Variants in DENND1B observed in about 807,000 individuals in gnomAD.
DENND1B encodes the protein DENN domain-containing protein 1B.
Under a neutral mutation model 90.1 loss-of-function variants are expected in DENND1B, and 59 were observed. That is an observed-to-expected ratio of 0.65 (90% CI 0.53 to 0.81). The LOEUF is 0.81. Among genes scored for constraint, DENND1B ranks in the 40% least tolerant of loss-of-function variants. The pLI is 0.00. For missense variants in DENND1B, 862 were observed against 912.6 expected, an observed-to-expected ratio of 0.94 and a Z score of 0.71; for synonymous variants, 337 against 324.6, an observed-to-expected ratio of 1.04 and a Z score of -0.41.
intron 14 of DENND1B, among the ~76,000 whole-genome samples, chr1:197,592,697 G>A (rs1387903246): frequency 6.6e-6 from 1 of 152,020 alleles, no homozygotes; most frequent in East Asian, 1.9e-4. Flanking sequence ...TCAAAGTTTA[G>A]GAAAAAAGGA....
intron 2 of DENND1B, among the ~76,000 whole-genome samples, chr1:197,765,435 T>C (rs1005578930): frequency 2.6e-5 from 4 of 152,230 alleles, no homozygotes; most frequent in African/African-American, 9.6e-5. Flanking sequence ...GCTAGTATTA[T>C]ATGAACACTT....
At chr1:197,749,073 G>C (rs1013416328) in intron 2 of DENND1B, among the ~76,000 whole-genome samples, 1 of 151,936 alleles carries the variant, frequency 6.6e-6, no homozygotes, top group African/African-American at 2.4e-5. Flanking sequence ...CCTAAGTACA[G>C]AATAATTGAA....
intron 2 of DENND1B, among the ~76,000 whole-genome samples, chr1:197,719,993 CAATGCT>C (rs1338584622): frequency 2.6e-5 from 4 of 152,108 alleles, no homozygotes; most frequent in African/African-American, 9.7e-5. Flanking sequence ...ATGAATAACA[CAATGCT>C]TTCTGTGTAT....
chr1:197,757,470 T>C (rs995826001), intron 2 of DENND1B: 2 of 152,194 alleles, frequency 1.3e-5, no homozygotes, highest in Non-Finnish European at 2.9e-5. Context: ...CCTCCTATCA[T>C]TGCATGAAGT....
chr1:197,730,657 C>T (rs549448986), intron 2 of DENND1B, among the ~76,000 whole-genome samples: 39 of 151,984 alleles, frequency 2.6e-4, no homozygotes, highest in Middle Eastern at 3.4e-3. Context: ...TAATCTGTTA[C>T]GGTGGCTTTT....
At chr1:197,529,866 C>T (rs1487075222) in intron 20 of DENND1B, among the ~76,000 whole-genome samples, 2 of 152,094 alleles carry the variant, frequency 1.3e-5, no homozygotes, top group Admixed American at 6.5e-5. Flanking sequence ...TGCACCATGA[C>T]CAGTGGCTAT....
chr1:197,765,053 C>G (rs991198007), intron 2 of DENND1B, among the ~76,000 whole-genome samples: 3 of 152,188 alleles, frequency 2.0e-5, no homozygotes, highest in African/African-American at 7.2e-5. Flanking sequence ...TTTAAGGAAA[C>G]TCAAGTTCTG....
chr1:197,606,148 G>C (rs1236841686), intron 13 of DENND1B: 1 of 150,960 alleles, frequency 6.6e-6, no homozygotes, highest in Admixed American at 6.6e-5. Flanking sequence ...TACAGAAACA[G>C]TACTAGTTTG....
intron 2 of DENND1B, among the ~76,000 whole-genome samples, chr1:197,755,086 G>A (rs1044780092): frequency 2.6e-5 from 4 of 152,022 alleles, no homozygotes; most frequent in African/African-American, 7.3e-5. Context: ...TAAAGAAATC[G>A]TTCACTTGAA....
Position 197,639,165 on chromosome 1 carries a change from G to A in DENND1B, c.672+3546C>T, listed in dbSNP as rs1181092907. Among the ~76,000 whole-genome samples, 3 of 151,758 alleles carry A rather than the reference G, an allele frequency of 2.0e-5. No homozygotes were observed. The South Asian group carries it at 6.2e-4, about 32-fold the overall frequency. On this transcript the variant is annotated intron_variant, in intron 10 of 22. Transcript: ENST00000620048. ...TGCAACCTCCGTCTCCCGGGTTCAA[G>A]TGATTCTCTTGCCTCAGCCTCCCGA... is the stretch of plus-strand genomic sequence containing the variant.
intron 16 of DENND1B, among the ~76,000 whole-genome samples, chr1:197,550,252 T>C (rs969167636): frequency 2.0e-5 from 3 of 152,138 alleles, no homozygotes; most frequent in Admixed American, 6.6e-5. Flanking sequence ...AAGGGTTAAG[T>C]ATTACTCTTG....
intron 3 of DENND1B, among the ~76,000 whole-genome samples, chr1:197,681,422 A>C (rs553083273): frequency 6.6e-6 from 1 of 152,142 alleles, no homozygotes; most frequent in African/African-American, 2.4e-5. Flanking sequence ...ATATCAACAG[A>C]TATTTTCAAT....
At chr1:197,746,398 A>G (rs560128384) in intron 2 of DENND1B, among the ~76,000 whole-genome samples, 4 of 152,340 alleles carry the variant, frequency 2.6e-5, no homozygotes, top group East Asian at 3.9e-4. Context: ...CAAAAAAAGA[A>G]AGAAAGAAAG....
At chr1:197,766,491 T>G (rs999295810) in intron 2 of DENND1B, among the ~76,000 whole-genome samples, 2 of 152,220 alleles carry the variant, frequency 1.3e-5, no homozygotes, top group Non-Finnish European at 2.9e-5. Context: ...GGTTTTAGTA[T>G]GTATGAATGG....
intron 2 of DENND1B, chr1:197,747,153 T>A: frequency 1.3e-6 from 1 of 768,728 alleles, no homozygotes; most frequent in Admixed American, 1.9e-5. Context: ...GTTTTCTTTT[T>A]TTCCCTCTGA....
In DENND1B at chr1:197,528,770, G is replaced by A. The variant is rs534026403; in HGVS notation, c.1515+11194C>T. On this transcript the variant is annotated intron_variant, in intron 20 of 22. Coordinates refer to ENST00000620048, the MANE Select transcript of DENND1B (RefSeq NM_001195215.2). ...AGCTACTTGGGAGGCTGAGGCAGGAGAATGGCGTGAACCCGGGAGGCGGAG... is the reference window on the plus strand; with the variant it reads ...AGCTACTTGGGAGGCTGAGGCAGGAAAATGGCGTGAACCCGGGAGGCGGAG... 2.7e-5 allele frequency among the ~76,000 whole-genome samples: 4 copies of A among 150,654 alleles called. No homozygotes were observed. The East Asian group carries it at 5.9e-4, about 22-fold the overall frequency.
In DENND1B at chr1:197,683,530, C is replaced by T. The variant is rs78253589; in HGVS notation, c.127-9361G>A. ...ACTGAGATATACAGAGGAGTAAAAA[C>T]GGAGACATACAAGAGGTAGCTGGAT... is the stretch of plus-strand genomic sequence containing the variant. On this transcript the variant is annotated intron_variant, in intron 3 of 22. Transcript: ENST00000620048. Among the ~76,000 whole-genome samples, 888 of 152,138 alleles carry T rather than the reference C, an allele frequency of 5.8e-3. 9 individuals are homozygous for T. The highest frequency in any genetic ancestry group is 0.02 in the African/African-American group (815 of 41,510).
chr1:197,627,104 G>A (rs1261777032), intron 10 of DENND1B, among the ~76,000 whole-genome samples: 1 of 152,110 alleles, frequency 6.6e-6, no homozygotes, highest in African/African-American at 2.4e-5. Context: ...GAGGTACAAG[G>A]AGGAACTGGT....
intron 10 of DENND1B, among the ~76,000 whole-genome samples, chr1:197,628,525 T>C (rs1162237430): frequency 6.6e-6 from 1 of 152,036 alleles, no homozygotes; most frequent in African/African-American, 2.4e-5. Context: ...AAAAATTAAT[T>C]CAAGATGGAT....
Sources: gnomAD v4.1 joint callset for allele counts (sites outside exome capture counted in the v4.1 genomes callset) on GRCh38, gnomAD v4.1.1 for gene constraint, MANE v1.5 for transcripts, NCBI Gene and HGNC (gene_info 2026-07-23, HGNC 2026-07-21) for gene names.